Variants in CLSTN2 observed in about 807,000 individuals in gnomAD.
CLSTN2 encodes calsyntenin-2.
In CLSTN2, 48 loss-of-function variants were observed where a neutral mutation model predicts 101.2. That is an observed-to-expected ratio of 0.47 (90% confidence interval 0.38 to 0.60). The LOEUF (loss-of-function observed/expected upper bound fraction) is 0.60. Ranked by LOEUF, CLSTN2 falls within the 20% of genes least tolerant of loss-of-function variation. The pLI is 0.00. For missense variants in CLSTN2, 1,160 were observed against 1,238.2 expected (o/e 0.94, Z 0.95); for synonymous variants, 481 against 463.6 (o/e 1.04, Z -0.48).
intron 1 of CLSTN2, among the ~76,000 whole-genome samples, chr3:140,095,204 G>C (rs568910883): frequency 1.3e-5 from 2 of 152,288 alleles, no homozygotes; most frequent in Middle Eastern, 3.4e-3. Context: ...GGGGCTAGGA[G>C]CGTTAATGGC....
At chr3:140,225,951 T>C (rs2086315952) in intron 2 of CLSTN2, among the ~76,000 whole-genome samples, 1 of 152,208 alleles carries the variant, frequency 6.6e-6, no homozygotes, top group Non-Finnish European at 1.5e-5. Context: ...ATATGTTTTC[T>C]TCTATAATAT....
intron 1 of CLSTN2, among the ~76,000 whole-genome samples, chr3:140,120,172 A>G (rs190674008): frequency 7.9e-5 from 12 of 152,224 alleles, no homozygotes; most frequent in Non-Finnish European, 8.8e-5. Context: ...ACCACCCCAG[A>G]TACTAGCCTT....
intron 1 of CLSTN2, among the ~76,000 whole-genome samples, chr3:139,971,353 T>C (rs1163176385): frequency 6.6e-6 from 1 of 152,220 alleles, no homozygotes; most frequent in African/African-American, 2.4e-5. Flanking sequence ...GAGGCTGTTG[T>C]TTCATTTCTG....
At chr3:140,144,952 T>A (rs1193706849) in intron 1 of CLSTN2, among the ~76,000 whole-genome samples, 1 of 152,246 alleles carries the variant, frequency 6.6e-6, no homozygotes. Flanking sequence ...TGAAAGAGGC[T>A]CTCACCTCTG....
intron 9 of CLSTN2, among the ~76,000 whole-genome samples, chr3:140,535,581 G>C (rs1453334398): frequency 6.6e-6 from 1 of 152,194 alleles, no homozygotes. Flanking sequence ...CTTAGAGTTA[G>C]GTGTGGTCAT....
intron 2 of CLSTN2, among the ~76,000 whole-genome samples, chr3:140,375,390 C>T (rs1474904133): frequency 5.9e-5 from 9 of 152,152 alleles, no homozygotes; most frequent in African/African-American, 1.7e-4. Flanking sequence ...TGTGGGAGGC[C>T]TGTGCACCTG....
intron 1 of CLSTN2, among the ~76,000 whole-genome samples, chr3:140,052,358 G>A (rs747075995): frequency 3.9e-5 from 6 of 152,046 alleles, no homozygotes; most frequent in South Asian, 2.1e-4. Flanking sequence ...GGGTTTTACC[G>A]TATTGGCCAG....
intron 1 of CLSTN2, among the ~76,000 whole-genome samples, chr3:140,078,312 A>G (rs927313025): frequency 1.3e-5 from 2 of 152,182 alleles, no homozygotes; most frequent in Non-Finnish European, 2.9e-5. Context: ...TTGGATTGGA[A>G]ATTAGAACAT....
chr3:140,430,297 C>G (rs1213704749), intron 5 of CLSTN2, among the ~76,000 whole-genome samples: 2 of 152,108 alleles, frequency 1.3e-5, no homozygotes, highest in Non-Finnish European at 2.9e-5. Context: ...CTGCAGGAGT[C>G]AGGTGTTAAG....
intron 1 of CLSTN2, among the ~76,000 whole-genome samples, chr3:139,936,287 G>A (rs1270726703): frequency 6.6e-6 from 1 of 152,190 alleles, no homozygotes; most frequent in African/African-American, 2.4e-5. Context: ...GCTCTGGGGT[G>A]GGGGGCCGGG....
intron 2 of CLSTN2, among the ~76,000 whole-genome samples, chr3:140,251,128 G>T (rs1321429696): frequency 6.6e-6 from 1 of 152,114 alleles, no homozygotes; most frequent in Admixed American, 6.5e-5. Flanking sequence ...ATCTTCTCTG[G>T]CTGGCTTTCT....
chr3:140,104,386 A>C (rs1466048536), intron 1 of CLSTN2, among the ~76,000 whole-genome samples: 5 of 152,324 alleles, frequency 3.3e-5, no homozygotes, highest in African/African-American at 9.6e-5. Context: ...TCTTAGCACA[A>C]ATGTCAGAAA....
intron 2 of CLSTN2, among the ~76,000 whole-genome samples, chr3:140,215,710 C>A (rs545092951): frequency 6.6e-6 from 1 of 152,188 alleles, no homozygotes; most frequent in Non-Finnish European, 1.5e-5. Flanking sequence ...GTAACTTACC[C>A]TCCCTGTGTT....
chr3:140,049,839 C>A (rs1437414603), intron 1 of CLSTN2, among the ~76,000 whole-genome samples: 2 of 152,198 alleles, frequency 1.3e-5, no homozygotes, highest in Non-Finnish European at 2.9e-5. Context: ...TTATTTTAAT[C>A]AAAAGCATGG....
chr3:140,522,384 C>A (rs543761766), intron 8 of CLSTN2, among the ~76,000 whole-genome samples: 1 of 152,198 alleles, frequency 6.6e-6, no homozygotes, highest in Non-Finnish European at 1.5e-5. Context: ...GGCCTGAGGC[C>A]GTATGGCCTC....
intron 1 of CLSTN2, among the ~76,000 whole-genome samples, chr3:140,104,993 A>T (rs1357823927): frequency 6.6e-6 from 1 of 152,190 alleles, no homozygotes; most frequent in African/African-American, 2.4e-5. Context: ...ATAAAAAAAC[A>T]AAAGGTAAAA....
chr3:140,531,647 G>A (rs897251483), intron 8 of CLSTN2, among the ~76,000 whole-genome samples: 2 of 152,126 alleles, frequency 1.3e-5, no homozygotes, highest in Admixed American at 6.5e-5. Context: ...GGGTGGCATC[G>A]TTCTCTAGTC....
intron 6 of CLSTN2, chr3:140,452,796 C>T (rs1446276107): frequency 6.6e-6 from 1 of 152,164 alleles, no homozygotes; most frequent in African/African-American, 2.4e-5. Flanking sequence ...ATGGAGGTCC[C>T]CTGAACCTCT....
chr3:140,474,065 C>T (rs113164847), intron 8 of CLSTN2, among the ~76,000 whole-genome samples: 22 of 152,254 alleles, frequency 1.4e-4, no homozygotes, highest in Admixed American at 4.6e-4. Context: ...TAAGCCACCA[C>T]GCCTGGCCAA....
Sources: gnomAD v4.1 joint callset for allele counts (sites outside exome capture counted in the v4.1 genomes callset) on GRCh38, gnomAD v4.1.1 for gene constraint, MANE v1.5 for transcripts, NCBI Gene and HGNC (gene_info 2026-07-23, HGNC 2026-07-21) for gene names.